Variants in CSGALNACT1 observed in about 807,000 individuals in gnomAD.
CSGALNACT1 encodes chondroitin sulfate N-acetylgalactosaminyltransferase 1, also known as beta4GalNAcT-1.
CSGALNACT1 carries 52 observed loss-of-function variants against 51.0 expected under a neutral mutation model. The ratio of observed to expected loss-of-function variants is 1.02; its 90% CI spans 0.82 to 1.29. The LOEUF is 1.29. Among genes scored for constraint, CSGALNACT1 ranks in the 50% most tolerant of loss-of-function variants. CSGALNACT1 has a pLI of 0.00. For synonymous variants in CSGALNACT1, 341 were observed against 254.4 expected, an observed-to-expected ratio of 1.34 and a Z score of -3.24; for missense variants, 935 against 679.2, an observed-to-expected ratio of 1.38 and a Z score of -4.19.
At chr8:19,691,628 G>A (rs2061328357) in intron 1 of CSGALNACT1, among the ~76,000 whole-genome samples, 1 of 152,176 alleles carries the variant, frequency 6.6e-6, no homozygotes, top group Non-Finnish European at 1.5e-5. Context: ...ACGGCCTAGG[G>A]GACATCGACA....
At chr8:19,573,937 T>A (rs2043591341) in intron 3 of CSGALNACT1, among the ~76,000 whole-genome samples, 1 of 152,180 alleles carries the variant, frequency 6.6e-6, no homozygotes, top group Non-Finnish European at 1.5e-5. Flanking sequence ...CTTATTTTAA[T>A]TTTTAGAGAA....
At chr8:19,518,564 C>T (rs888727714) in intron 3 of CSGALNACT1, among the ~76,000 whole-genome samples, 7 of 152,202 alleles carry the variant, frequency 4.6e-5, no homozygotes, top group African/African-American at 1.7e-4. Flanking sequence ...AAATCCTGTG[C>T]AGTCTCTGCC....
intron 4 of CSGALNACT1, among the ~76,000 whole-genome samples, chr8:19,475,162 T>C (rs1003628785): frequency 1.3e-5 from 2 of 152,100 alleles, no homozygotes; most frequent in Admixed American, 6.5e-5. Context: ...ATGAGGAAGA[T>C]TCTCCAGGCC....
chr8:19,545,155 C>T (rs2086177371), intron 3 of CSGALNACT1, among the ~76,000 whole-genome samples: 1 of 152,102 alleles, frequency 6.6e-6, no homozygotes, highest in Non-Finnish European at 1.5e-5. Flanking sequence ...CTGTTAAAAT[C>T]CTATCTCTGG....
intron 6 of CSGALNACT1, among the ~76,000 whole-genome samples, chr8:19,439,098 C>T (rs2060874650): frequency 6.6e-6 from 1 of 152,228 alleles, no homozygotes; most frequent in Admixed American, 6.5e-5. Flanking sequence ...AACTACAGGC[C>T]AGCGTGCAGC....
intron 3 of CSGALNACT1, among the ~76,000 whole-genome samples, chr8:19,590,371 C>T (rs2154132478): frequency 6.6e-6 from 1 of 152,284 alleles, no homozygotes; most frequent in South Asian, 2.1e-4. Context: ...TTAGATTGAG[C>T]TACATTCCTT....
At chr8:19,543,365 A>T (rs1291338755) in intron 3 of CSGALNACT1, among the ~76,000 whole-genome samples, 1 of 152,196 alleles carries the variant, frequency 6.6e-6, no homozygotes, top group Non-Finnish European at 1.5e-5. Context: ...GTCCTGCAAG[A>T]TCCGCCCTTG....
At chr8:19,413,321 G>T (rs2098616208) in intron 8 of CSGALNACT1, among the ~76,000 whole-genome samples, 2 of 152,156 alleles carry the variant, frequency 1.3e-5, no homozygotes, top group African/African-American at 4.8e-5. Flanking sequence ...CCCAGGTGCG[G>T]TCACATAGTG....
At chr8:19,484,797 G>A (rs1378655176) in intron 4 of CSGALNACT1, among the ~76,000 whole-genome samples, 1 of 152,144 alleles carries the variant, frequency 6.6e-6, no homozygotes, top group African/African-American at 2.4e-5. Flanking sequence ...TTACAATGGG[G>A]CTGCTCTGGT....
chr8:19,573,446 ATT>A (rs111492641), intron 3 of CSGALNACT1, among the ~76,000 whole-genome samples: 1 of 145,054 alleles, frequency 6.9e-6, no homozygotes, highest in African/African-American at 2.5e-5. Flanking sequence ...AAATATTCCA[ATT>A]TTTTTTTTTT....
chr8:19,464,021 C>T (rs550941666), intron 4 of CSGALNACT1, among the ~76,000 whole-genome samples: 4 of 152,348 alleles, frequency 2.6e-5, no homozygotes, highest in East Asian at 1.9e-4. Context: ...ACTCCTGACT[C>T]AGATTCCCCG....
At chr8:19,487,794 G>C (rs1197579810) in intron 4 of CSGALNACT1, among the ~76,000 whole-genome samples, 1 of 152,134 alleles carries the variant, frequency 6.6e-6, no homozygotes, top group Admixed American at 6.5e-5. Context: ...AGGGCTGTAG[G>C]TATCATGAAA....
intron 1 of CSGALNACT1, among the ~76,000 whole-genome samples, chr8:19,611,385 C>G (rs1327561503): frequency 6.6e-6 from 1 of 152,200 alleles, no homozygotes; most frequent in Admixed American, 6.5e-5. Context: ...ATAGTTATAA[C>G]TTCCTTCACA....
At position 19,507,245 on chromosome 8, in the gene CSGALNACT1, G is replaced by A. The variant is rs1162279972; in HGVS notation, c.-296-1115C>T. The stretch of plus-strand genomic sequence containing the variant: ...AGATTCAGAAATACTGTCCTGTTGG[G>A]ACCCAAATCCCAGTTATATCTCTGC... On this transcript the variant is annotated intron_variant, in intron 3 of 9. Coordinates refer to ENST00000454498, the Ensembl canonical transcript of CSGALNACT1. 2.6e-5 allele frequency among the ~76,000 whole-genome samples: 4 copies of A among 152,100 alleles called. No homozygotes were observed. In the East Asian group the frequency reaches 7.7e-4, roughly 29 times the overall value.
intron 4 of CSGALNACT1, among the ~76,000 whole-genome samples, chr8:19,474,397 A>G (rs1024633112): frequency 1.3e-5 from 2 of 152,172 alleles, no homozygotes; most frequent in Non-Finnish European, 2.9e-5. Context: ...TTATTTATTT[A>G]TATTTGGAAA....
chr8:19,537,765 A>C (rs10088454), intron 3 of CSGALNACT1, among the ~76,000 whole-genome samples: 18,596 of 152,276 alleles, frequency 0.12, 1,405 homozygotes, highest in African/African-American at 0.22. Flanking sequence ...TCCCAGAGTT[A>C]AATGTAAGAG....
intron 1 of CSGALNACT1, among the ~76,000 whole-genome samples, chr8:19,753,538 T>G (rs2065173852): frequency 6.6e-6 from 1 of 152,154 alleles, no homozygotes; most frequent in African/African-American, 2.4e-5. Context: ...TTTCGTTGGG[T>G]TTTGTCCATT....
At chr8:19,737,535 G>C (rs12675880) in intron 1 of CSGALNACT1, among the ~76,000 whole-genome samples, 26,567 of 150,924 alleles carry the variant, frequency 0.18, 2,485 homozygotes, top group Middle Eastern at 0.26. Context: ...AAATTTCTAA[G>C]AGAACAACTG....
intron 6 of CSGALNACT1, among the ~76,000 whole-genome samples, chr8:19,427,613 C>A (rs1445620756): frequency 6.6e-6 from 1 of 152,018 alleles, no homozygotes; most frequent in Admixed American, 6.6e-5. Flanking sequence ...ACGGTGAAAC[C>A]CTGTCTCTAC....
Sources: allele counts gnomAD v4.1 joint callset (sites outside exome capture counted in the v4.1 genomes callset), GRCh38; gene constraint gnomAD v4.1.1; transcripts MANE v1.5; gene names NCBI Gene and HGNC (gene_info 2026-07-23, HGNC 2026-07-21).